The following FOXP2 variants were observed in gnomAD, a reference collection of about 807,000 sequenced individuals.
FOXP2 encodes forkhead box P2.
In FOXP2, 12 loss-of-function variants were observed where a neutral mutation model predicts 115.8. The observed-to-expected ratio is 0.10, with a 90% CI of 0.07 to 0.17. The LOEUF (loss-of-function observed/expected upper bound fraction) is 0.17, where lower values mean the gene tolerates loss of function less well. Ranked by LOEUF, FOXP2 falls within the 10% of genes least tolerant of loss-of-function variation. The pLI is 1.00. For missense variants in FOXP2, 629 were observed against 843.5 expected, an observed-to-expected ratio of 0.75 and a Z score of 3.15; for synonymous variants, 328 against 297.7, an observed-to-expected ratio of 1.10 and a Z score of -1.05.
chr7:114,399,401 C>T (rs761068964), intron 2 of FOXP2, among the ~76,000 whole-genome samples: 2 of 152,124 alleles, frequency 1.3e-5, no homozygotes, highest in Non-Finnish European at 2.9e-5. Context: ...AGCCAATGCA[C>T]CCAGCCTTCA....
Position 114,210,821 on chromosome 7 carries a change from C to T in FOXP2, c.-102+47733C>T, listed in dbSNP as rs556707630. Among the ~76,000 whole-genome samples the T allele has an allele frequency of 1.7e-4, 26 of 152,226 alleles. No homozygotes were observed. The South Asian group carries it at 5.4e-3, about 32-fold the overall frequency. ...GAGCTTCATCCCAGGGAGGGATAAG[C>T]TCTATCTGTAGGACCCTTCTGGAGT... On this transcript the variant is annotated intron_variant, in intron 1 of 17. Transcript: ENST00000634411.
rs115998064 is a variant in FOXP2, at chr7:114,127,171, C to T, written c.-246-35773C>T. On this transcript the variant is annotated intron_variant, in intron 1 of 19. Coordinates refer to the FOXP2 transcript ENST00000635638. ...CCTTGCTGGTTGTTGGATAAGTCCC[C>T]GTTTATTGCCACATGGGACTGAATA... Among the ~76,000 whole-genome samples, 600 of 152,232 alleles carry T rather than the reference C, an allele frequency of 3.9e-3. 7 individuals are homozygous for T. The highest frequency in any genetic ancestry group is 0.013 in the African/African-American group (536 of 41,550).
At chr7:114,289,795 A>T (rs1796549147) in intron 2 of FOXP2, among the ~76,000 whole-genome samples, 2 of 151,976 alleles carry the variant, frequency 1.3e-5, no homozygotes, top group Non-Finnish European at 2.9e-5. Flanking sequence ...CTAACCACAT[A>T]TTGGTGTAAA....
intron 3 of FOXP2, among the ~76,000 whole-genome samples, chr7:114,620,296 C>T (rs952837705): frequency 8.6e-5 from 13 of 152,002 alleles, no homozygotes; most frequent in African/African-American, 2.9e-4. Context: ...TGCATGGAAG[C>T]AATAAACGAA....
intron 2 of FOXP2, among the ~76,000 whole-genome samples, chr7:114,331,652 G>A (rs938364482): frequency 6.6e-6 from 1 of 151,018 alleles, no homozygotes; most frequent in Non-Finnish European, 1.5e-5. Flanking sequence ...GTCCTTTTCT[G>A]ACATTTTCTT....
intron 2 of FOXP2, among the ~76,000 whole-genome samples, chr7:114,358,262 G>A (rs1274244145): frequency 6.6e-6 from 1 of 152,114 alleles, no homozygotes; most frequent in East Asian, 1.9e-4. Context: ...TGATTGTGAG[G>A]CCTCCCCAGC....
At position 114,545,553 on chromosome 7, in the gene FOXP2, A is replaced by G. The variant is rs138665500; in HGVS notation, c.258+10847A>G. Among the ~76,000 whole-genome samples the G allele has an allele frequency of 3.4e-3, 513 of 152,300 alleles. 1 individual carries two copies. Among genetic ancestry groups the G allele is most frequent in the African/African-American group, 0.012 (487 of 41,552 alleles). The stretch of plus-strand genomic sequence containing the variant: ...CCTCAGTATATATCTGCTACGCTCA[A>G]TGGGCTTCCCTTTGGTATTAGAAAC... On this transcript the variant is annotated intron_variant, in intron 3 of 16. Transcript: ENST00000350908.
chr7:114,636,623 TC>T (rs1805233513), intron 6 of FOXP2, among the ~76,000 whole-genome samples: 1 of 108,768 alleles, frequency 9.2e-6, no homozygotes, highest in South Asian at 3.4e-4. Context: ...ATTGAAAAAA[TC>T]TTTTTTTTTT....
intron 2 of FOXP2, among the ~76,000 whole-genome samples, chr7:114,484,210 T>C (rs966510069): frequency 6.6e-6 from 1 of 151,834 alleles, no homozygotes; most frequent in African/African-American, 2.4e-5. Flanking sequence ...TTTTTAAGTG[T>C]AGATTAGAAT....
intron 2 of FOXP2, among the ~76,000 whole-genome samples, chr7:114,297,582 A>G (rs940915000): frequency 6.6e-6 from 1 of 152,244 alleles, no homozygotes; most frequent in African/African-American, 2.4e-5. Context: ...GATACATTAC[A>G]TTCTCATAAG....
intron 2 of FOXP2, among the ~76,000 whole-genome samples, chr7:114,292,843 T>C (rs2129176854): frequency 6.6e-6 from 1 of 152,342 alleles, no homozygotes; most frequent in East Asian, 1.9e-4. Flanking sequence ...ATTCACTGAA[T>C]ATGTAAAACA....
chr7:114,458,785 G>T (rs1458417926), intron 2 of FOXP2, among the ~76,000 whole-genome samples: 1 of 151,888 alleles, frequency 6.6e-6, no homozygotes, highest in Non-Finnish European at 1.5e-5. Context: ...CTTCCAAATT[G>T]CTTGACTCTT....
intron 2 of FOXP2, among the ~76,000 whole-genome samples, chr7:114,451,153 C>T (rs923896255): frequency 1.3e-5 from 2 of 151,968 alleles, no homozygotes; most frequent in Non-Finnish European, 2.9e-5. Context: ...CCTATTTTCC[C>T]AGCAGAACCT....
intron 3 of FOXP2, among the ~76,000 whole-genome samples, chr7:114,567,349 G>A (rs1044173958): frequency 1.6e-4 from 24 of 152,062 alleles, no homozygotes; most frequent in Admixed American, 8.5e-4. Context: ...TCTAGAGAGA[G>A]AGGACAGGAG....
chr7:114,493,518 G>A lies in FOXP2; in HGVS notation c.169-41099G>A, dbSNP rs182648938. 2.9e-3 allele frequency among the ~76,000 whole-genome samples: 443 copies of A among 152,276 alleles called. 1 individual carries two copies. The highest frequency in any genetic ancestry group is 3.8e-3 in the Non-Finnish European group (258 of 68,022). ...AAATCTGTACCTTTCACTCAATAGT[G>A]CTGTGCTCCTAAATGTGCTCTAAAA... On this transcript the variant is annotated intron_variant, in intron 2 of 16. Coordinates refer to ENST00000350908, the MANE Select transcript of FOXP2 (RefSeq NM_014491.4).
At chr7:114,474,480 T>C (rs1453940771) in intron 2 of FOXP2, among the ~76,000 whole-genome samples, 1 of 152,180 alleles carries the variant, frequency 6.6e-6, no homozygotes, top group East Asian at 1.9e-4. Flanking sequence ...CTGACTCTCA[T>C]AGAGCTATTA....
intron 2 of FOXP2, among the ~76,000 whole-genome samples, chr7:114,382,885 T>C (rs961163781): frequency 1.3e-5 from 2 of 152,220 alleles, no homozygotes; most frequent in Admixed American, 6.5e-5. Flanking sequence ...GTGGACATCA[T>C]TGAATAATTC....
At chr7:114,436,631 T>C (rs1794363202) in intron 2 of FOXP2, among the ~76,000 whole-genome samples, 1 of 151,662 alleles carries the variant, frequency 6.6e-6, no homozygotes, top group South Asian at 2.1e-4. Flanking sequence ...TTCATAAAAC[T>C]TAACTGTCTA....
At chr7:114,349,231 G>A (rs1008592828) in intron 2 of FOXP2, among the ~76,000 whole-genome samples, 2 of 151,886 alleles carry the variant, frequency 1.3e-5, no homozygotes, top group South Asian at 2.1e-4. Flanking sequence ...AATAATCATG[G>A]CATTTCACTA....
Sources: gnomAD v4.1 joint callset for allele counts (sites outside exome capture counted in the v4.1 genomes callset) on GRCh38, gnomAD v4.1.1 for gene constraint, MANE v1.5 for transcripts, NCBI Gene and HGNC (gene_info 2026-07-23, HGNC 2026-07-21) for gene names.